The following LRRC2 variants were observed in gnomAD, a reference collection of about 807,000 sequenced individuals.
LRRC2 encodes the protein leucine rich repeat containing 2, also known as leucine-rich repeat-containing protein 2.
LRRC2 carries 27 observed loss-of-function variants against 40.2 expected under a neutral mutation model. That is an observed-to-expected ratio of 0.67 (90% CI 0.49 to 0.93). The LOEUF is 0.93. Among genes scored for constraint, LRRC2 ranks in the 40% least tolerant of loss-of-function variants. The probability of loss-of-function intolerance (pLI) is 0.00; values close to 1 mark genes in which losing one functional copy is unlikely to be tolerated. For synonymous variants in LRRC2, 147 were observed against 158.9 expected (o/e 0.92, Z 0.56); for missense variants, 402 against 439.6 (o/e 0.91, Z 0.76).
chr3:46,563,782 A>G (rs1196744657), intron 1 of LRRC2, among the ~76,000 whole-genome samples: 1 of 152,180 alleles, frequency 6.6e-6, no homozygotes, highest in Non-Finnish European at 1.5e-5. Flanking sequence ...GGCCCCCATG[A>G]GTTCAGCTGA....
At chr3:46,540,189 G>A (rs562666004) in intron 3 of LRRC2, among the ~76,000 whole-genome samples, 15 of 152,212 alleles carry the variant, frequency 9.9e-5, no homozygotes, top group Admixed American at 2.0e-4. Flanking sequence ...ACTTGCAAAA[G>A]TGCTTTCACT....
rs1000330251 is a variant in LRRC2 at position 46,515,860 on chromosome 3, A to G, written c.*3154T>C. ...CAAGTAGTAGAGCTAATAAATTTGA[A>G]TTGTATTTTTAGTGTTAAAAAGAAA... is the stretch of plus-strand genomic sequence containing the variant. On this transcript the variant is annotated 3_prime_UTR_variant, in exon 9 of 9. Coordinates refer to ENST00000395905, the MANE Select transcript of LRRC2 (RefSeq NM_024512.5). 2 of 151,962 alleles carry G rather than the reference A, an allele frequency of 1.3e-5. No homozygotes were observed. The highest frequency in any genetic ancestry group is 2.9e-5 in the Non-Finnish European group (2 of 68,010). The allele number at this position is 151,962 out of a possible 1,614,324, so 9.4% of individuals were successfully genotyped here. A position where few individuals can be genotyped will look rare whatever the true frequency, so the allele number is the denominator to read the frequency against.
At position 46,519,040 on chromosome 3, in the gene LRRC2, T is replaced by G. The variant is rs1178077485; in HGVS notation, c.1090A>C (p.Lys364Gln). Residue 364 changes from lysine (K) to glutamine (Q), a missense_variant, in exon 9 of 9, where the codon AAA (lysine) becomes CAA (glutamine). Coordinates refer to ENST00000395905, the MANE Select transcript of LRRC2 (RefSeq NM_024512.5). The stretch of plus-strand genomic sequence containing the variant: ...CAAAGTTGAAGGCTAAAAGACACTT[T>G]GGTGGTATAGCTGGGAACAGATTCT... ...ERESVPSYTT[K>Q]VSFSLQL 1.2e-6 allele frequency: 2 copies of G among 1,610,384 alleles called. No homozygotes were observed. Among genetic ancestry groups the G allele is most frequent in the East Asian group, 2.2e-5 (1 of 44,802 alleles).
intron 1 of LRRC2, among the ~76,000 whole-genome samples, chr3:46,554,196 T>G (rs1704734778): frequency 1.3e-5 from 2 of 152,092 alleles, no homozygotes. Context: ...ATTTTTGTAT[T>G]TTTTGTAGAG....
chr3:46,554,228 C>G (rs1704735967), intron 1 of LRRC2, among the ~76,000 whole-genome samples: 1 of 116,576 alleles, frequency 8.6e-6, no homozygotes, highest in Non-Finnish European at 1.8e-5. Context: ...ACTATGTTGC[C>G]CAGACTGGTC....
Position 46,551,450 on chromosome 3 carries a change from G to A in LRRC2, c.125+17C>T, listed in dbSNP as rs759885213. Reference sequence around the variant, plus strand: ...TTCACCAAACAAGCTACAAGACTAGGTTGAGAAAACACGTACTTCTCCAAG... The same window carrying A: ...TTCACCAAACAAGCTACAAGACTAGATTGAGAAAACACGTACTTCTCCAAG... On this transcript the variant is annotated intron_variant, in intron 2 of 8. Coordinates refer to ENST00000395905, the MANE Select transcript of LRRC2 (RefSeq NM_024512.5). 6 of 1,611,548 alleles carry A rather than the reference G, an allele frequency of 3.7e-6. No individual in the cohort carries two copies. The highest frequency in any genetic ancestry group is 4.2e-6 in the Non-Finnish European group (5 of 1,179,162).
intron 4 of LRRC2, among the ~76,000 whole-genome samples, chr3:46,533,834 CCTGT>C (rs1293710952): frequency 4.6e-4 from 37 of 79,964 alleles, no homozygotes; most frequent in African/African-American, 1.5e-3. Context: ...TCTCTCTCTG[CCTGT>C]CTTTCTTTCT....
intron 1 of LRRC2, among the ~76,000 whole-genome samples, 155 bp downstream of exon 1, chr3:46,566,022 C>A (rs1191018899): frequency 2.0e-5 from 3 of 152,230 alleles, no homozygotes; most frequent in African/African-American, 7.2e-5. Flanking sequence ...GGGACGTTTA[C>A]CCCTGTCGCT....
chr3:46,548,263 A>G (rs1021031478), intron 2 of LRRC2, among the ~76,000 whole-genome samples: 1 of 152,240 alleles, frequency 6.6e-6, no homozygotes, highest in Non-Finnish European at 1.5e-5. Flanking sequence ...CATTAAAAAT[A>G]ATTATATACC....
intron 7 of LRRC2, among the ~76,000 whole-genome samples, chr3:46,524,068 T>C (rs1027998358): frequency 1.3e-5 from 2 of 152,228 alleles, no homozygotes; most frequent in Non-Finnish European, 2.9e-5. Flanking sequence ...CTCACTTTTC[T>C]TTTGCCTGCA....
At chr3:46,550,471 C>T (rs1008765680) in intron 2 of LRRC2, among the ~76,000 whole-genome samples, 2 of 147,304 alleles carry the variant, frequency 1.4e-5, no homozygotes, top group South Asian at 2.1e-4. Context: ...GCAAGCTCTG[C>T]CTCCCGGGTT....
At chr3:46,539,318 C>T in intron 3 of LRRC2, 117 bp from the exon 4 acceptor site, 1 of 959,158 alleles carries the variant, frequency 1.0e-6, no homozygotes, top group Non-Finnish European at 1.6e-6. Context: ...GAGCATAAAA[C>T]TTAACCACCA....
chr3:46,549,438 A>T (rs995782208), intron 2 of LRRC2, among the ~76,000 whole-genome samples: 13 of 152,210 alleles, frequency 8.5e-5, no homozygotes, highest in African/African-American at 3.1e-4. Flanking sequence ...TTTCTTAAAC[A>T]TGCACATTCT....
intron 4 of LRRC2, among the ~76,000 whole-genome samples, chr3:46,534,362 T>C (rs985334218): frequency 6.6e-5 from 10 of 152,212 alleles, no homozygotes; most frequent in Middle Eastern, 6.3e-3. Flanking sequence ...GTCTTTACTA[T>C]TGTAAATAGT....
At chr3:46,565,072 C>A (rs150616635) in intron 1 of LRRC2, among the ~76,000 whole-genome samples, 1 of 152,220 alleles carries the variant, frequency 6.6e-6, no homozygotes, top group African/African-American at 2.4e-5. Context: ...GTATAGTCAG[C>A]CAAATTCTGA....
At chr3:46,552,110 A>G (rs1407259163) in intron 1 of LRRC2, among the ~76,000 whole-genome samples, 1 of 152,090 alleles carries the variant, frequency 6.6e-6, no homozygotes, top group Admixed American at 6.6e-5. Context: ...CCTTCTCTAG[A>G]TGGTCACACT....
chr3:46,521,554 A>G lies in LRRC2; in HGVS notation c.1034T>C (p.Met345Thr), dbSNP rs1293678319. 2 of 1,612,214 alleles carry G rather than the reference A, an allele frequency of 1.2e-6. No homozygotes were observed. Among genetic ancestry groups the G allele is most frequent in the Admixed American group, 1.7e-5 (1 of 59,932 alleles). The change falls in exon 8 of 9, where the codon ATG becomes ACG. Residue 345 changes from methionine to threonine, a missense_variant. Transcript: ENST00000395905. ...RDRQHFDKEVMKAYIEDLKER... is the reference protein window; with the variant it reads ...RDRQHFDKEVTKAYIEDLKER... ...TTTAAGGTCTTCAATATAGGCTTTC[A>G]TAACTTCTTTATCAAAATGTTGGCG... is the stretch of plus-strand genomic sequence containing the variant.
chr3:46,544,015 G>GTGATATGCATTTTTATCA (rs372330609), intron 3 of LRRC2, among the ~76,000 whole-genome samples: 1 of 147,130 alleles, frequency 6.8e-6, no homozygotes, highest in South Asian at 2.3e-4. Flanking sequence ...TTACTGATAA[G>GTGATATGCATTTTTATCA]AATGATAAAA....
Position 46,545,098 on chromosome 3 carries a change from C to T in LRRC2, c.281G>A (p.Arg94Lys). Reference sequence around the variant, plus strand: ...CACAAACGCACTGCTCCGTTTGCCTCTGTCCTTGGGAAGTGAACTCTGCCT... The same window carrying T: ...CACAAACGCACTGCTCCGTTTGCCTTTGTCCTTGGGAAGTGAACTCTGCCT... Reference protein sequence around the residue: ...LTRQSSLPKDRGKRSSAFVFE... With the variant: ...LTRQSSLPKDKGKRSSAFVFE... Residue 94 changes from arginine to lysine, a missense_variant, in exon 3 of 9, where the codon AGA becomes AAA. By Grantham distance (26) the Arg-to-Lys change is conservative (BLOSUM62 2). Transcript: ENST00000395905. 1.2e-6 allele frequency: 2 copies of T among 1,614,022 alleles called. No individual in the cohort carries two copies. The highest frequency in any genetic ancestry group is 1.7e-6 in the Non-Finnish European group (2 of 1,180,022).
Sources: allele counts gnomAD v4.1 joint callset (sites outside exome capture counted in the v4.1 genomes callset), GRCh38; gene constraint gnomAD v4.1.1; transcripts MANE v1.5; gene names NCBI Gene and HGNC (gene_info 2026-07-23, HGNC 2026-07-21).